Variants in COBL observed in about 807,000 individuals in gnomAD.
The protein encoded by COBL is protein cordon-bleu.
Under a neutral mutation model 98.8 loss-of-function variants are expected in COBL, and 51 were observed. That is an observed-to-expected ratio of 0.52 (90% CI 0.41 to 0.65). The LOEUF (loss-of-function observed/expected upper bound fraction) is 0.65. Ranked by LOEUF, COBL falls within the 30% of genes least tolerant of loss-of-function variation. The probability of loss-of-function intolerance (pLI) is 0.00; values close to 1 mark genes in which losing one functional copy is unlikely to be tolerated. For missense variants in COBL, 1,617 were observed against 1,617.5 expected (o/e 1.00, Z 0.01); for synonymous variants, 634 against 651.7 (o/e 0.97, Z 0.41).
chr7:51,247,618 A>G (rs1860160), intron 1 of COBL, among the ~76,000 whole-genome samples: 28,378 of 151,994 alleles, frequency 0.19, 3,328 homozygotes, highest in Middle Eastern at 0.32. Context: ...CTCCCATAAC[A>G]TAAAGGCATT....
chr7:51,114,979 C>A (rs571431783), intron 6 of COBL, among the ~76,000 whole-genome samples: 1 of 152,158 alleles, frequency 6.6e-6, no homozygotes, highest in Non-Finnish European at 1.5e-5. Flanking sequence ...ATTACCATCA[C>A]CACCACAGTA....
intron 7 of COBL, among the ~76,000 whole-genome samples, chr7:51,063,687 T>A (rs970680721): frequency 6.6e-6 from 1 of 152,158 alleles, no homozygotes; most frequent in African/African-American, 2.4e-5. Flanking sequence ...ATCCCACACT[T>A]CCTTTCATGC....
At chr7:51,184,333 T>C (rs1454694400) in intron 4 of COBL, 134 bp from the exon 5 acceptor site, 2 of 548,630 alleles carry the variant, frequency 3.6e-6, no homozygotes, top group Non-Finnish European at 6.3e-6. Flanking sequence ...AGCCATCAAC[T>C]ATTTCTTTCA....
At chr7:51,297,342 TTTG>T (rs1201415587) in intron 1 of COBL, among the ~76,000 whole-genome samples, 1 of 152,132 alleles carries the variant, frequency 6.6e-6, no homozygotes, top group African/African-American at 2.4e-5. Context: ...CCTGAGATCT[TTTG>T]TTGTTGTTCT....
chr7:51,097,635 T>C (rs932554140), intron 6 of COBL, among the ~76,000 whole-genome samples: 3 of 152,190 alleles, frequency 2.0e-5, no homozygotes, highest in Non-Finnish European at 4.4e-5. Flanking sequence ...AAAAATCAGT[T>C]TTGTTTTTAT....
Position 51,025,258 on chromosome 7 carries a change from G to GGGGGGGGGGGGGGGGTGGGGGGGA in COBL, c.3618_3619insTCCCCCCCACCCCCCCCCCCCCCC (p.Ile1206_Pro1207insSerProProProProProProPro). The GGGGGGGGGGGGGGGGTGGGGGGGA allele has an allele frequency of 1.4e-6, 1 of 725,722 alleles. No homozygotes were observed. Among genetic ancestry groups the GGGGGGGGGGGGGGGGTGGGGGGGA allele is most frequent in the Non-Finnish European group, 2.4e-6 (1 of 411,536 alleles). 45.0% of individuals were successfully genotyped at this position (725,722 alleles called of 1,614,324 possible). A position where few individuals can be genotyped will look rare whatever the true frequency, so the allele number is the denominator to read the frequency against. On this transcript the variant is annotated inframe_insertion, in exon 12 of 13. Coordinates refer to ENST00000265136, the MANE Select transcript of COBL (RefSeq NM_015198.5). ...TGGGAGGGTGGAGGGGGTGGTGGGG[G>GGGGGGGGGGGGGGGGTGGGGGGGA]AATGGCTGGTGGGGACAGAAGACCA...
chr7:51,282,493 A>C (rs1799898082), intron 1 of COBL, among the ~76,000 whole-genome samples: 1 of 152,126 alleles, frequency 6.6e-6, no homozygotes, highest in Non-Finnish European at 1.5e-5. Flanking sequence ...GACATTACAT[A>C]AAAGAGTCAA....
chr7:51,257,819 CAGAT>C (rs1362143845), intron 1 of COBL, among the ~76,000 whole-genome samples: 1 of 151,842 alleles, frequency 6.6e-6, no homozygotes, highest in Non-Finnish European at 1.5e-5. Context: ...TTTAAAAAAA[CAGAT>C]AGATTAACAA....
intron 4 of COBL, among the ~76,000 whole-genome samples, chr7:51,190,605 T>C (rs181588009): frequency 6.6e-6 from 1 of 152,196 alleles, no homozygotes; most frequent in Non-Finnish European, 1.5e-5. Flanking sequence ...GTCGTGGAAG[T>C]TTGCAGGGAG....
At chr7:51,129,524 G>C (rs527494026) in intron 6 of COBL, among the ~76,000 whole-genome samples, 13 of 152,198 alleles carry the variant, frequency 8.5e-5, no homozygotes, top group South Asian at 4.2e-4. Flanking sequence ...CGTAAAGTAA[G>C]TTCATATAAA....
chr7:51,312,367 T>C (rs1803142257), intron 1 of COBL, among the ~76,000 whole-genome samples: 1 of 152,074 alleles, frequency 6.6e-6, no homozygotes, highest in African/African-American at 2.4e-5. Context: ...GAACTCTTAG[T>C]GTATTTACAA....
intron 1 of COBL, among the ~76,000 whole-genome samples, chr7:51,297,222 C>T (rs953196715): frequency 6.6e-6 from 1 of 152,056 alleles, no homozygotes; most frequent in African/African-American, 2.4e-5. Context: ...GCAATCATAA[C>T]ATGTATAGTC....
intron 1 of COBL, among the ~76,000 whole-genome samples, chr7:51,276,021 T>C (rs1248291719): frequency 6.6e-6 from 1 of 152,234 alleles, no homozygotes; most frequent in Non-Finnish European, 1.5e-5. Flanking sequence ...TTGGCTTTTC[T>C]AAATGATAAA....
At chr7:51,283,445 T>G (rs1401978974) in intron 1 of COBL, among the ~76,000 whole-genome samples, 2 of 152,226 alleles carry the variant, frequency 1.3e-5, no homozygotes, top group African/African-American at 4.8e-5. Context: ...AATAGATAAT[T>G]CAAATGTACC....
At chr7:51,039,655 C>A (rs757428522) in intron 8 of COBL, among the ~76,000 whole-genome samples, 20 of 152,226 alleles carry the variant, frequency 1.3e-4, no homozygotes, top group Non-Finnish European at 2.5e-4. Context: ...TCAGTAGCGA[C>A]AAGTGTATTC....
chr7:51,153,374 C>G (rs1193181380), intron 5 of COBL, among the ~76,000 whole-genome samples: 1 of 152,094 alleles, frequency 6.6e-6, no homozygotes, highest in African/African-American at 2.4e-5. Context: ...TTTAAAATAA[C>G]TAGAATAAAG....
intron 5 of COBL, among the ~76,000 whole-genome samples, chr7:51,180,683 T>C (rs534756475): frequency 8.5e-5 from 13 of 152,368 alleles, no homozygotes; most frequent in Admixed American, 3.9e-4. Context: ...CCACCTGTTA[T>C]TCAGTTCTAG....
rs1796619724 is a variant in COBL, at chr7:51,250,282, G to A, written c.42-30338C>T. Among the ~76,000 whole-genome samples, 5 of 152,020 alleles carry A rather than the reference G, an allele frequency of 3.3e-5. No homozygotes were observed. The South Asian group carries it at 1.0e-3, about 32-fold the overall frequency. ...ACTCAGAGAACTCATCCTACAAGGT[G>A]GCCTTTACAATTCCCAAAGCATAGA... On this transcript the variant is annotated intron_variant, in intron 1 of 12. Transcript: ENST00000265136.
intron 5 of COBL, among the ~76,000 whole-genome samples, chr7:51,140,831 G>A (rs1261086159): frequency 6.6e-6 from 1 of 152,122 alleles, no homozygotes; most frequent in East Asian, 1.9e-4. Context: ...CTCGCTCATT[G>A]ACTTATAATT....
Sources: gnomAD v4.1 joint callset for allele counts (sites outside exome capture counted in the v4.1 genomes callset) on GRCh38, gnomAD v4.1.1 for gene constraint, MANE v1.5 for transcripts, NCBI Gene and HGNC (gene_info 2026-07-23, HGNC 2026-07-21) for gene names.